FEM1C: variants seen among roughly 807,000 people sequenced by gnomAD.
FEM1C encodes the protein fem-1 homolog C, also known as protein fem-1 homolog C.
A neutral mutation model predicts 37.6 loss-of-function variants in FEM1C; 15 were observed. The ratio of observed to expected loss-of-function variants is 0.40; its 90% confidence interval spans 0.27 to 0.61. The LOEUF (loss-of-function observed/expected upper bound fraction) is 0.61, where lower values mean the gene tolerates loss of function less well. Among genes scored for constraint, FEM1C ranks in the 20% least tolerant of loss-of-function variants. The probability of loss-of-function intolerance (pLI) is 0.42; values close to 1 mark genes in which losing one functional copy is unlikely to be tolerated. For synonymous variants in FEM1C, 287 were observed against 272.8 expected (o/e 1.05, Z -0.51); for missense variants, 532 against 749.7 (o/e 0.71, Z 3.39).
chr5:115,538,649 C>A (rs1754178803), intron 2 of FEM1C, among the ~76,000 whole-genome samples: 1 of 151,954 alleles, frequency 6.6e-6, no homozygotes, highest in Admixed American at 6.6e-5. Context: ...TCCAGTTAGT[C>A]CCCTGCTGAA....
intron 2 of FEM1C, among the ~76,000 whole-genome samples, chr5:115,534,952 A>G (rs1213608354): frequency 6.6e-6 from 1 of 151,956 alleles, no homozygotes; most frequent in African/African-American, 2.4e-5. Context: ...TCTAATAGCA[A>G]TATCAAGTCA....
rs778878838 is a variant in FEM1C, at chr5:115,524,649, A to G, written c.1513T>C (p.Phe505Leu). The G allele has an allele frequency of 4.5e-6, 7 of 1,572,732 alleles. No homozygotes were observed. The highest frequency in any genetic ancestry group is 6.0e-6 in the Non-Finnish European group (7 of 1,162,246). Reference sequence around the variant, plus strand: ...ATTGCAGTAACTTGTAGAGATGGAAATTTACAAACAGGGTACCGCCCTACA... The same window carrying G: ...ATTGCAGTAACTTGTAGAGATGGAAGTTTACAAACAGGGTACCGCCCTACA... The part of the protein sequence containing the change: ...TCVGRYPVCK[F>L]PSLQVTAILI... The change falls in exon 3 of 3, where the codon TTT becomes CTT. Residue 505 changes from phenylalanine (F) to leucine (L), a missense_variant. Physicochemically the swap from Phe to Leu is conservative, Grantham distance 22. Coordinates refer to ENST00000274457, the MANE Select transcript of FEM1C (RefSeq NM_020177.3).
intron 1 of FEM1C, chr5:115,544,174 TTC>T (rs1411627201): frequency 2.0e-6 from 2 of 985,032 alleles, no homozygotes; most frequent in African/African-American, 3.5e-5. Flanking sequence ...CCCCGAAAGA[TTC>T]TCTTTCCTTT....
At position 115,523,549 on chromosome 5, in the gene FEM1C, A is replaced by C. The variant is rs1468416126; in HGVS notation, c.*759T>G. 6.6e-6 allele frequency: 1 copy of C among 152,526 alleles called. No individual in the cohort carries two copies. Among genetic ancestry groups the C allele is most frequent in the East Asian group, 1.9e-4 (1 of 5,192 alleles). 9.4% of individuals were successfully genotyped at this position (152,526 alleles called of 1,614,324 possible). On this transcript the variant is annotated 3_prime_UTR_variant, in exon 3 of 3. Coordinates refer to ENST00000274457, the MANE Select transcript of FEM1C (RefSeq NM_020177.3). ...CCCAAATTTAGCACACAATAATTTC[A>C]GTGGATTAGAGAAAGAAACCTCAGA...
chr5:115,524,448 C>T lies in FEM1C; in HGVS notation c.1714G>A (p.Glu572Lys), dbSNP rs1580376558. The stretch of plus-strand genomic sequence containing the variant: ...GGCTGGATTAAATTTTTAGCTATTT[C>T]CTTCTCATCCAGCAAGTCACTAGCA... Reference protein sequence around the residue: ...QTASDLLDEKEIAKNLIQPIN... With the variant: ...QTASDLLDEKKIAKNLIQPIN... The change falls in exon 3 of 3, where the codon GAA (glutamate) becomes AAA (lysine). Residue 572 changes from glutamate (E) to lysine (K), a missense_variant. By Grantham distance (56) the Glu-to-Lys change is moderately conservative. This residue lies in a region of FEM1C where 237 missense variants were observed against 260.5 expected (regional missense o/e 0.91). Coordinates refer to ENST00000274457, the MANE Select transcript of FEM1C (RefSeq NM_020177.3). The T allele has an allele frequency of 6.2e-7, 1 of 1,613,240 alleles. No individual in the cohort carries two copies. Among genetic ancestry groups the T allele is most frequent in the Non-Finnish European group, 8.5e-7 (1 of 1,179,596 alleles).
At chr5:115,532,465 G>A (rs1479872368) in intron 2 of FEM1C, among the ~76,000 whole-genome samples, 1 of 151,542 alleles carries the variant, frequency 6.6e-6, no homozygotes, top group Non-Finnish European at 1.5e-5. Context: ...ACACTTTTCT[G>A]CCCTGGAAGG....
intron 2 of FEM1C, among the ~76,000 whole-genome samples, chr5:115,538,553 T>C (rs868447812): frequency 3.9e-5 from 6 of 152,036 alleles, no homozygotes; most frequent in African/African-American, 1.2e-4. Flanking sequence ...GACTATGTAG[T>C]AGAATGCGGT....
At position 115,524,731 on chromosome 5, in the gene FEM1C, T is replaced by C; in HGVS notation, c.1431A>G (p.Pro477=). Residue 477 remains proline (P), a synonymous_variant, in exon 3 of 3, where the codon CCA becomes CCG. Transcript: ENST00000274457. ...GAGGGCTGAAGTTATTCTTTCCCCTTGGATGCAGCTTAAGAAACCTGTATA... is the reference window on the plus strand; with the variant it reads ...GAGGGCTGAAGTTATTCTTTCCCCTCGGATGCAGCTTAAGAAACCTGTATA... ...QTIYRFLKLH[P]RGKNNFSPLH... 1.9e-6 allele frequency: 3 copies of C among 1,542,098 alleles called. No individual in the cohort carries two copies. Among genetic ancestry groups the C allele is most frequent in the Non-Finnish European group, 2.6e-6 (3 of 1,148,706 alleles).
intron 2 of FEM1C, among the ~76,000 whole-genome samples, chr5:115,536,194 T>C (rs905211462): frequency 1.3e-5 from 2 of 152,006 alleles, no homozygotes; most frequent in Non-Finnish European, 2.9e-5. Context: ...TTGAATTGTA[T>C]ACACTTTAAG....
intron 2 of FEM1C, among the ~76,000 whole-genome samples, chr5:115,532,667 C>T (rs1216160570): frequency 1.3e-5 from 2 of 152,134 alleles, no homozygotes; most frequent in South Asian, 2.1e-4. Flanking sequence ...TTTTCACCTA[C>T]ATCTTGGGCA....
chr5:115,544,040 G>A, intron 1 of FEM1C: 1 of 985,418 alleles, frequency 1.0e-6, no homozygotes, highest in Non-Finnish European at 1.2e-6. Flanking sequence ...GTTCAGAAAT[G>A]TTTCTCTTTC....
intron 2 of FEM1C, among the ~76,000 whole-genome samples, chr5:115,539,123 T>C (rs1212840983): frequency 6.6e-6 from 1 of 152,052 alleles, no homozygotes; most frequent in Non-Finnish European, 1.5e-5. Flanking sequence ...TACCAATTTA[T>C]TTAATTACTT....
At position 115,522,050 on chromosome 5, in the gene FEM1C, G is replaced by C. The variant is rs1753786923; in HGVS notation, c.*2258C>G. ...TTTAAAGAAATCCTTACTTTACACAGGAGTTGCACAATTCAAATTCTGCTG... is the reference window on the plus strand; with the variant it reads ...TTTAAAGAAATCCTTACTTTACACACGAGTTGCACAATTCAAATTCTGCTG... On this transcript the variant is annotated 3_prime_UTR_variant, in exon 3 of 3. Coordinates refer to ENST00000274457, the MANE Select transcript of FEM1C (RefSeq NM_020177.3). 6.6e-6 allele frequency: 1 copy of C among 151,866 alleles called. No homozygotes were observed. The highest frequency in any genetic ancestry group is 3.4e-3 in the Middle Eastern group (1 of 294). 9.4% of individuals were successfully genotyped at this position (151,866 alleles called of 1,614,324 possible).
intron 2 of FEM1C, among the ~76,000 whole-genome samples, chr5:115,532,594 A>G (rs1311861397): frequency 2.0e-5 from 3 of 151,510 alleles, no homozygotes; most frequent in Non-Finnish European, 4.4e-5. Flanking sequence ...TCATTTCTCC[A>G]AGTCTTTTTA....
Position 115,542,933 on chromosome 5 carries a change from AAAG to A in FEM1C, c.544+14_544+16del, listed in dbSNP as rs756771329. The A allele has an allele frequency of 1.3e-5, 21 of 1,593,744 alleles. No individual in the cohort carries two copies. Among genetic ancestry groups the A allele is most frequent in the Non-Finnish European group, 1.8e-5 (21 of 1,170,482 alleles). On this transcript the variant is annotated intron_variant, in intron 2 of 2. Transcript: ENST00000274457. ...ATAAGTGGTAGACATTTAGAAAAAC[AAAG>A]AAGCTGAACTCACCTTTGACACTTT...
chr5:115,544,273 C>A, intron 1 of FEM1C: 1 of 697,626 alleles, frequency 1.4e-6, no homozygotes, highest in South Asian at 6.4e-5. Flanking sequence ...CACCCCCCGC[C>A]AAGGGATGAT....
intron 2 of FEM1C, among the ~76,000 whole-genome samples, chr5:115,536,295 T>C (rs1754127125): frequency 6.6e-6 from 1 of 152,026 alleles, no homozygotes; most frequent in African/African-American, 2.4e-5. Context: ...AAGTGTTGAC[T>C]GATAGAAGCA....
chr5:115,525,723 T>C, intron 2 of FEM1C, 106 bp from the exon 3 acceptor site: 2 of 899,840 alleles, frequency 2.2e-6, no homozygotes, highest in Non-Finnish European at 3.2e-6. Context: ...AAGCTTTAAG[T>C]TCCTAAGTAG....
intron 2 of FEM1C, among the ~76,000 whole-genome samples, chr5:115,528,197 C>T (rs1753943425): frequency 1.3e-5 from 2 of 151,916 alleles, no homozygotes; most frequent in Non-Finnish European, 2.9e-5. Flanking sequence ...GATCACCCTC[C>T]CACTAACAAC....
Sources: allele counts gnomAD v4.1 joint callset (sites outside exome capture counted in the v4.1 genomes callset), GRCh38; gene constraint gnomAD v4.1.1; regional missense constraint gnomAD v4.1.1; transcripts MANE v1.5; gene names NCBI Gene and HGNC (gene_info 2026-07-23, HGNC 2026-07-21).